Variants in GLIS1 observed in about 807,000 individuals in gnomAD.
GLIS1 encodes GLIS family zinc finger 1.
A neutral mutation model predicts 63.8 loss-of-function variants in GLIS1; 24 were observed. The observed-to-expected ratio is 0.38, with a 90% confidence interval of 0.27 to 0.53. The LOEUF is 0.53. Among genes scored for constraint, GLIS1 ranks in the 20% least tolerant of loss-of-function variants. GLIS1 has a pLI of 0.85. For synonymous variants in GLIS1, 450 were observed against 482.5 expected (o/e 0.93, Z 0.88); for missense variants, 1,036 against 1,074.1 (o/e 0.96, Z 0.50).
chr1:53,709,610 C>T (rs1490664041), intron 2 of GLIS1, among the ~76,000 whole-genome samples: 4 of 152,050 alleles, frequency 2.6e-5, no homozygotes, highest in Non-Finnish European at 5.9e-5. Flanking sequence ...AAGGGAAAAA[C>T]TCATTCATAT....
intron 4 of GLIS1, among the ~76,000 whole-genome samples, chr1:53,581,338 A>AC (rs992648335): frequency 6.6e-6 from 1 of 151,104 alleles, no homozygotes; most frequent in Non-Finnish European, 1.5e-5. Flanking sequence ...CTGCTGCAAA[A>AC]CCCCCCACTT....
intron 3 of GLIS1, among the ~76,000 whole-genome samples, chr1:53,596,926 CTG>C (rs1232407862): frequency 1.3e-5 from 2 of 152,098 alleles, no homozygotes; most frequent in African/African-American, 4.8e-5. Context: ...GCTTTTCACT[CTG>C]TGCTGGGTGA....
chr1:53,723,477 G>A (rs111541056), intron 2 of GLIS1, among the ~76,000 whole-genome samples: 2,348 of 152,072 alleles, frequency 0.015, 61 homozygotes, highest in African/African-American at 0.05. Context: ...CAGGTGATCC[G>A]CCTGCCTTGG....
At chr1:53,531,983 T>G (rs1468366237) in intron 4 of GLIS1, among the ~76,000 whole-genome samples, 1 of 151,960 alleles carries the variant, frequency 6.6e-6, no homozygotes, top group Non-Finnish European at 1.5e-5. Context: ...AGGCACAGAT[T>G]CCCTGTGAAG....
At chr1:53,701,998 G>GAAAAAAAAAAAAAAA (rs919008620) in intron 2 of GLIS1, among the ~76,000 whole-genome samples, 1 of 56,294 alleles carries the variant, frequency 1.8e-5, no homozygotes, top group Non-Finnish European at 4.0e-5. Flanking sequence ...ACCTAAAAAA[G>GAAAAAAAAAAAAAAA]AAAAAAAAAA....
intron 2 of GLIS1, among the ~76,000 whole-genome samples, chr1:53,694,027 G>A (rs1646437819): frequency 6.6e-6 from 1 of 152,250 alleles, no homozygotes; most frequent in African/African-American, 2.4e-5. Context: ...AACAGTCCCG[G>A]CCCCTGCAGT....
intron 2 of GLIS1, among the ~76,000 whole-genome samples, chr1:53,694,446 A>G (rs1036806849): frequency 1.3e-5 from 2 of 152,076 alleles, no homozygotes; most frequent in Non-Finnish European, 2.9e-5. Context: ...TCTCTTCTCA[A>G]TGGGCTGCAC....
intron 2 of GLIS1, among the ~76,000 whole-genome samples, chr1:53,667,906 A>G (rs909438336): frequency 1.3e-5 from 2 of 152,134 alleles, no homozygotes; most frequent in African/African-American, 2.4e-5. Flanking sequence ...CATTCAAACC[A>G]TTGTACATGG....
At chr1:53,517,799 C>T (rs873106) in intron 7 of GLIS1, among the ~76,000 whole-genome samples, 8,866 of 152,254 alleles carry the variant, frequency 0.058, 895 homozygotes, top group African/African-American at 0.2. Context: ...CAGTCCCCTG[C>T]CCTTGCCCCT....
intron 2 of GLIS1, among the ~76,000 whole-genome samples, chr1:53,612,573 C>T (rs1157707426): frequency 6.6e-6 from 1 of 152,106 alleles, no homozygotes; most frequent in Non-Finnish European, 1.5e-5. Flanking sequence ...TCCCCATCTC[C>T]CTGGGATCTT....
intron 2 of GLIS1, among the ~76,000 whole-genome samples, chr1:53,616,104 A>T (rs2100585063): frequency 6.6e-6 from 1 of 152,306 alleles, no homozygotes; most frequent in South Asian, 2.1e-4. Flanking sequence ...CTAAGATTCC[A>T]TGATCCCACA....
rs569815478 is a variant in GLIS1, at chr1:53,607,430, C to T, written c.260-7152G>A. On this transcript the variant is annotated intron_variant, in intron 2 of 10. Transcript: ENST00000628545. The stretch of plus-strand genomic sequence containing the variant: ...GACAACAGGTGCTTGCCATCACACC[C>T]GGCTCATACTTTCTGATACTCTGCT... Among the ~76,000 whole-genome samples the T allele has an allele frequency of 1.3e-4, 20 of 152,286 alleles. No homozygotes were observed. The South Asian group carries it at 3.1e-3, about 24-fold the overall frequency.
intron 2 of GLIS1, among the ~76,000 whole-genome samples, chr1:53,686,622 A>T (rs1389700543): frequency 6.6e-6 from 1 of 152,122 alleles, no homozygotes; most frequent in East Asian, 1.9e-4. Context: ...TGCAGGGAAA[A>T]CAGTGCTCAT....
In GLIS1 at chr1:53,737,814, G is replaced by A; in HGVS notation, c.251C>T (p.Ala84Val). The A allele has an allele frequency of 8.1e-7, 1 of 1,230,806 alleles. No homozygotes were observed. Among genetic ancestry groups the A allele is most frequent in the Non-Finnish European group, 1.0e-6 (1 of 987,238 alleles). 76.2% of individuals were successfully genotyped at this position (1,230,806 alleles called of 1,614,324 possible). A position where few individuals can be genotyped will look rare whatever the true frequency, so the allele number is the denominator to read the frequency against. ...GGCAGGGCCGAACTCACCCTTCCCG[G>A]CGGCGGCGGCCTTGGATGGACCGTA... ...RDYGPSKAAA[A>V]GKVNGSYGHR... Residue 84 changes from alanine (A) to valine (V), a missense_variant, in exon 2 of 11, where the codon GCC becomes GTC. By Grantham distance (64) the Ala-to-Val change is moderately conservative. This residue lies in a region of GLIS1 where 592 missense variants were observed against 593.9 expected (regional missense o/e 1.00). Coordinates refer to ENST00000628545, the MANE Select transcript of GLIS1 (RefSeq NM_001367484.1).
At chr1:53,707,935 C>A (rs1451079821) in intron 2 of GLIS1, among the ~76,000 whole-genome samples, 1 of 151,994 alleles carries the variant, frequency 6.6e-6, no homozygotes. Flanking sequence ...TAGGCTGGTG[C>A]TTTCAGACAT....
In GLIS1 at chr1:53,514,707, A is replaced by G; in HGVS notation, c.1801T>C (p.Ser601Pro). 1 of 1,613,612 alleles carries G rather than the reference A, an allele frequency of 6.2e-7. No homozygotes were observed. The highest frequency in any genetic ancestry group is 1.3e-5 in the African/African-American group (1 of 74,962). Residue 601 changes from serine to proline, a missense_variant, in exon 8 of 11, where the codon TCC (serine) becomes CCC (proline). This residue lies in a region of GLIS1 where 400 missense variants were observed against 400.9 expected (regional missense o/e 1.00). Coordinates refer to ENST00000628545, the MANE Select transcript of GLIS1 (RefSeq NM_001367484.1). ...GLLPPAHDVP[S>P]RHHPLDATTS... The stretch of plus-strand genomic sequence containing the variant: ...GTGGCATCCAGCGGGTGGTGCCTGG[A>G]AGGTACGTCGTGCGCTGGGGGCAGG...
chr1:53,561,652 G>C (rs993590493), intron 4 of GLIS1, among the ~76,000 whole-genome samples: 2 of 152,188 alleles, frequency 1.3e-5, no homozygotes, highest in African/African-American at 4.8e-5. Context: ...CTGGGGTGGG[G>C]GCTGGCTGCA....
chr1:53,671,561 T>A (rs1646153133), intron 2 of GLIS1, among the ~76,000 whole-genome samples: 1 of 152,302 alleles, frequency 6.6e-6, no homozygotes, highest in Middle Eastern at 3.4e-3. Flanking sequence ...GGAGAAGTTA[T>A]AAGGGCACAG....
At chr1:53,663,311 G>T (rs1433601911) in intron 2 of GLIS1, among the ~76,000 whole-genome samples, 1 of 152,244 alleles carries the variant, frequency 6.6e-6, no homozygotes, top group South Asian at 2.1e-4. Context: ...GCATCAGTGA[G>T]TTCTGATTAC....
Sources: gnomAD v4.1 joint callset for allele counts (sites outside exome capture counted in the v4.1 genomes callset) on GRCh38, gnomAD v4.1.1 for gene constraint, gnomAD v4.1.1 regional missense constraint, MANE v1.5 for transcripts, NCBI Gene and HGNC (gene_info 2026-07-23, HGNC 2026-07-21) for gene names.